MLEC: variants seen among roughly 807,000 people sequenced by gnomAD.
MLEC encodes the protein oligosaccharyltransferase complex subunit (non-catalytic).
MLEC carries 7 observed loss-of-function variants against 28.7 expected under a neutral mutation model. The ratio of observed to expected loss-of-function variants is 0.24; its 90% CI spans 0.14 to 0.46. The LOEUF (loss-of-function observed/expected upper bound fraction) is 0.46. Ranked by LOEUF, MLEC falls within the 20% of genes least tolerant of loss-of-function variation. MLEC has a pLI of 0.99. For synonymous variants in MLEC, 142 were observed against 164.4 expected, an observed-to-expected ratio of 0.86 and a Z score of 1.04; for missense variants, 237 against 391.1, an observed-to-expected ratio of 0.61 and a Z score of 3.32.
chr12:120,687,374 C>T lies in MLEC; in HGVS notation c.78C>T (p.Ile26=). 7.3e-7 allele frequency: 1 copy of T among 1,369,782 alleles called. No individual in the cohort carries two copies. Among genetic ancestry groups the T allele is most frequent in the Non-Finnish European group, 9.4e-7 (1 of 1,061,880 alleles). 84.9% of individuals were successfully genotyped at this position (1,369,782 alleles called of 1,614,324 possible). A position where few individuals can be genotyped will look rare whatever the true frequency, so the allele number is the denominator to read the frequency against. The part of the protein sequence containing the change: ...RLLLLLLPPA[I]RGPGLGVAGV... The stretch of plus-strand genomic sequence containing the variant: ...TGCTGCTGCTGCTGCCGCCGGCGAT[C>T]CGGGGACCCGGGCTCGGCGTGGCCG... Residue 26 remains isoleucine (I), a synonymous_variant, in exon 1 of 5, where the codon ATC becomes ATT. Coordinates refer to ENST00000228506, the MANE Select transcript of MLEC (RefSeq NM_014730.4). The surrounding 1 kb of genome is among the most constrained non-coding windows in gnomAD (Gnocchi z 8.1).
At position 120,696,781 on chromosome 12, in the gene MLEC, C is replaced by G; in HGVS notation, c.*236C>G. 1 of 579,540 alleles carries G rather than the reference C, an allele frequency of 1.7e-6. No homozygotes were observed. Among genetic ancestry groups the G allele is most frequent in the Non-Finnish European group, 3.0e-6 (1 of 334,258 alleles). 35.9% of individuals were successfully genotyped at this position (579,540 alleles called of 1,614,324 possible). The stretch of plus-strand genomic sequence containing the variant: ...CTTTGTGGCTGGCTCCCAGCCTTCT[C>G]TTTCCTCTTGAGGATACTTAGGGTA... On this transcript the variant is annotated 3_prime_UTR_variant, in exon 5 of 5. Transcript: ENST00000228506. The surrounding 1 kb of genome is among the most constrained non-coding windows in gnomAD (Gnocchi z 5.4).
In MLEC at chr12:120,694,137, G is replaced by A; in HGVS notation, c.282G>A (p.Glu94=). Residue 94 remains glutamate, a synonymous_variant, in exon 2 of 5, where the codon GAG becomes GAA. Transcript: ENST00000228506. The surrounding 1 kb of genome is among the most constrained non-coding windows in gnomAD (Gnocchi z 4.5). ...TGCCAATCCTGCGTTCCAACCCTGA[G>A]GACCAGATCCTGTATCAAACTGAGC... ...MKLPILRSNP[E]DQILYQTERY... is the part of the protein sequence containing the mutation. The A allele has an allele frequency of 6.2e-7, 1 of 1,614,158 alleles. No individual in the cohort carries two copies. Among genetic ancestry groups the A allele is most frequent in the Non-Finnish European group, 8.5e-7 (1 of 1,180,024 alleles).
In MLEC at chr12:120,694,009, A is replaced by G; in HGVS notation, c.236-82A>G. The G allele has an allele frequency of 7.4e-7, 1 of 1,354,828 alleles. No individual in the cohort carries two copies. Among genetic ancestry groups the G allele is most frequent in the Non-Finnish European group, 1.0e-6 (1 of 994,062 alleles). The allele number at this position is 1,354,828 out of a possible 1,614,324, so 83.9% of individuals were successfully genotyped here. The stretch of plus-strand genomic sequence containing the variant: ...AGAGGGTTATTAGCATTGCCCTGGA[A>G]ATGCCTCTGGCTGTTCTGGGGTCTT... On this transcript the variant is annotated intron_variant, in intron 1 of 4. Transcript: ENST00000228506. The surrounding 1 kb of genome is among the most constrained non-coding windows in gnomAD (Gnocchi z 4.5).
At chr12:120,693,732 T>C (rs531228902) in intron 1 of MLEC, among the ~76,000 whole-genome samples, 1 of 152,340 alleles carries the variant, frequency 6.6e-6, no homozygotes, top group African/African-American at 2.4e-5. Context: ...GCCCTCCCTC[T>C]TGGGGAACCA....
Position 120,696,738 on chromosome 12 carries a change from C to A in MLEC, c.*193C>A. 1 of 745,170 alleles carries A rather than the reference C, an allele frequency of 1.3e-6. No individual in the cohort carries two copies. 46.2% of individuals were successfully genotyped at this position (745,170 alleles called of 1,614,324 possible). ...CATTCACCACCTGGTCCCAGACGTG[C>A]TTCAGTCCTCGTCCTCTCTTTGTGG... On this transcript the variant is annotated 3_prime_UTR_variant, in exon 5 of 5. Coordinates refer to ENST00000228506, the MANE Select transcript of MLEC (RefSeq NM_014730.4). The surrounding 1 kb of genome is among the most constrained non-coding windows in gnomAD (Gnocchi z 5.4).
chr12:120,701,601 C>T lies in MLEC; in HGVS notation c.*5056C>T, dbSNP rs778878252. 6.5e-6 allele frequency: 1 copy of T among 152,742 alleles called. No homozygotes were observed. The highest frequency in any genetic ancestry group is 1.5e-5 in the Non-Finnish European group (1 of 68,162). 9.5% of individuals were successfully genotyped at this position (152,742 alleles called of 1,614,324 possible). A position where few individuals can be genotyped will look rare whatever the true frequency, so the allele number is the denominator to read the frequency against. ...AGCTTCTACCCTAGTTTCCCATCCT[C>T]TCTCTGTGGAGGCCAAACCAACTCT... On this transcript the variant is annotated 3_prime_UTR_variant, in exon 5 of 5. Coordinates refer to ENST00000228506, the MANE Select transcript of MLEC (RefSeq NM_014730.4). This position sits in a 1 kb window ranked among gnomAD's most constrained non-coding sequence, Gnocchi z 4.0.
In MLEC at chr12:120,694,369, G is replaced by A. The variant is rs1882147735; in HGVS notation, c.414+100G>A. ...AGAGTGTGAGAGTCTCTCCAGAAAG[G>A]CAGAACAGATGAGCTCTAGAGAAGC... On this transcript the variant is annotated intron_variant, in intron 2 of 4. Coordinates refer to ENST00000228506, the MANE Select transcript of MLEC (RefSeq NM_014730.4). This position sits in a 1 kb window ranked among gnomAD's most constrained non-coding sequence, Gnocchi z 4.5. 6.3e-6 allele frequency: 8 copies of A among 1,270,366 alleles called. No homozygotes were observed. The South Asian group carries it at 1.1e-4, about 18-fold the overall frequency. The allele number at this position is 1,270,366 out of a possible 1,614,324, so 78.7% of individuals were successfully genotyped here. A position where few individuals can be genotyped will look rare whatever the true frequency, so the allele number is the denominator to read the frequency against.
Position 120,701,148 on chromosome 12 carries a change from C to T in MLEC, c.*4603C>T, listed in dbSNP as rs1161177179. On this transcript the variant is annotated 3_prime_UTR_variant, in exon 5 of 5. Transcript: ENST00000228506. This position sits in a 1 kb window ranked among gnomAD's most constrained non-coding sequence, Gnocchi z 4.0. Reference sequence around the variant, plus strand: ...TGGGGAAAGCAGAACTCCATTCTCACCTCTATTTTGAGCTTCAGTGCTTTA... The same window carrying T: ...TGGGGAAAGCAGAACTCCATTCTCATCTCTATTTTGAGCTTCAGTGCTTTA... 6.6e-6 allele frequency: 1 copy of T among 152,192 alleles called. No homozygotes were observed. The allele number at this position is 152,192 out of a possible 1,614,324, so 9.4% of individuals were successfully genotyped here.
rs1566014120 is a variant in MLEC at position 120,694,812 on chromosome 12, T to A, written c.415-12T>A. 6.3e-7 allele frequency: 1 copy of A among 1,597,558 alleles called. No homozygotes were observed. The stretch of plus-strand genomic sequence containing the variant: ...ATGGTTTTGACATTGTTTTCTTTTC[T>A]TATCCTGGAAGGTATTTGATGTACG... On this transcript the variant is annotated splice_polypyrimidine_tract_variant and intron_variant, in intron 2 of 4. Coordinates refer to ENST00000228506, the MANE Select transcript of MLEC (RefSeq NM_014730.4). The surrounding 1 kb of genome is among the most constrained non-coding windows in gnomAD (Gnocchi z 4.5).
chr12:120,689,887 TC>T (rs985225679), intron 1 of MLEC, among the ~76,000 whole-genome samples: 8 of 152,376 alleles, frequency 5.3e-5, no homozygotes, highest in African/African-American at 1.7e-4. Context: ...GGTTTGGCCT[TC>T]TTTTGAACTT....
At chr12:120,695,477 C>T (rs1320675716) in intron 4 of MLEC, among the ~76,000 whole-genome samples, 1 of 151,960 alleles carries the variant, frequency 6.6e-6, no homozygotes, top group Non-Finnish European at 1.5e-5. Context: ...TAAAACTTGT[C>T]CTTATTCTGT....
intron 1 of MLEC, among the ~76,000 whole-genome samples, chr12:120,693,208 A>T (rs768301570): frequency 6.6e-6 from 1 of 152,242 alleles, no homozygotes; most frequent in Non-Finnish European, 1.5e-5. Flanking sequence ...TAGGACTTGG[A>T]CATCTTAGGC....
chr12:120,696,601 T>C lies in MLEC; in HGVS notation c.*56T>C. On this transcript the variant is annotated 3_prime_UTR_variant, in exon 5 of 5. Transcript: ENST00000228506. This position sits in a 1 kb window ranked among gnomAD's most constrained non-coding sequence, Gnocchi z 5.4. Reference sequence around the variant, plus strand: ...GGGTGTGGGAAAGAAACCAGCCATATTGGTTTTGGTTTCTGTATTTTTCAC... The same window carrying C: ...GGGTGTGGGAAAGAAACCAGCCATACTGGTTTTGGTTTCTGTATTTTTCAC... 2 of 1,581,614 alleles carry C rather than the reference T, an allele frequency of 1.3e-6. No individual in the cohort carries two copies. The highest frequency in any genetic ancestry group is 1.7e-6 in the Non-Finnish European group (2 of 1,165,816).
intron 1 of MLEC, among the ~76,000 whole-genome samples, chr12:120,693,598 T>C (rs1007339030): frequency 6.6e-6 from 1 of 152,274 alleles, no homozygotes; most frequent in African/African-American, 2.4e-5. Flanking sequence ...AAGAATGACT[T>C]TCCAAAGCAG....
chr12:120,695,142 G>A lies in MLEC; in HGVS notation c.639G>A (p.Gly213=), dbSNP rs371953708. 2 of 1,614,086 alleles carry A rather than the reference G, an allele frequency of 1.2e-6. No individual in the cohort carries two copies. Among genetic ancestry groups the A allele is most frequent in the Middle Eastern group, 1.6e-4 (1 of 6,078 alleles). ...TCTGTGCACTCTACATCATGGCTGG[G>A]ACAGTGGATGGTAGGTTGTGTTCTG... The part of the protein sequence containing the change: ...PKVCALYIMA[G]TVDDVPKLQP... The change falls in exon 4 of 5, where the codon GGG becomes GGA. Residue 213 remains glycine, a synonymous_variant. Transcript: ENST00000228506.
chr12:120,693,632 G>A (rs767627560), intron 1 of MLEC, among the ~76,000 whole-genome samples: 22 of 152,184 alleles, frequency 1.4e-4, no homozygotes, highest in Non-Finnish European at 2.5e-4. Flanking sequence ...TTTAGACTCT[G>A]GGCTTTTCTG....
At position 120,687,411 on chromosome 12, in the gene MLEC, G is replaced by A. The variant is rs1024260486; in HGVS notation, c.115G>A (p.Ala39Thr). 1 of 1,390,284 alleles carries A rather than the reference G, an allele frequency of 7.2e-7. No individual in the cohort carries two copies. The highest frequency in any genetic ancestry group is 1.5e-5 in the African/African-American group (1 of 66,814). The allele number at this position is 1,390,284 out of a possible 1,614,324, so 86.1% of individuals were successfully genotyped here. The change falls in exon 1 of 5, where the codon GCG becomes ACG. Residue 39 changes from alanine to threonine, a missense_variant. Physicochemically the swap from Ala to Thr is moderately conservative, Grantham distance 58. Coordinates refer to ENST00000228506, the MANE Select transcript of MLEC (RefSeq NM_014730.4). The surrounding 1 kb of genome is among the most constrained non-coding windows in gnomAD (Gnocchi z 8.1). ...PGLGVAGVAG[A>T]AGAGLPESVI... The stretch of plus-strand genomic sequence containing the variant: ...GCTCGGCGTGGCCGGCGTGGCCGGC[G>A]CGGCGGGGGCCGGGCTGCCCGAGAG...
intron 1 of MLEC, 111 bp from the exon 2 acceptor site, chr12:120,693,980 A>G (rs1022309644): frequency 3.0e-6 from 3 of 1,009,842 alleles, no homozygotes; most frequent in Non-Finnish European, 4.3e-6. Context: ...GGCCCCTTTT[A>G]TGGAGAGGGT....
rs1882369879 is a variant in MLEC, at chr12:120,699,615, T to C, written c.*3070T>C. 6.6e-6 allele frequency: 1 copy of C among 152,232 alleles called. No homozygotes were observed. The highest frequency in any genetic ancestry group is 1.5e-5 in the Non-Finnish European group (1 of 68,044). 9.4% of individuals were successfully genotyped at this position (152,232 alleles called of 1,614,324 possible). On this transcript the variant is annotated 3_prime_UTR_variant, in exon 5 of 5. Transcript: ENST00000228506. ...GTGTCCCTTAAACCAGACTCACTTT[T>C]CTGAAAAATCTCCATTGTTGAGGAG...
Sources: gnomAD v4.1 joint callset for allele counts (sites outside exome capture counted in the v4.1 genomes callset) on GRCh38, gnomAD v4.1.1 for gene constraint, Gnocchi (gnomAD v3.1) non-coding constraint, MANE v1.5 for transcripts, NCBI Gene and HGNC (gene_info 2026-07-23, HGNC 2026-07-21) for gene names.